Variants in FTO observed in about 807,000 individuals in gnomAD.
FTO encodes FTO alpha-ketoglutarate dependent dioxygenase, also known as alpha-ketoglutarate-dependent dioxygenase FTO.
In FTO, 47 loss-of-function variants were observed where a neutral mutation model predicts 63.9. The observed-to-expected ratio is 0.74, with a 90% CI of 0.58 to 0.94. FTO has a LOEUF of 0.94. Among genes scored for constraint, FTO ranks in the 40% least tolerant of loss-of-function variants. The pLI, the probability that FTO is intolerant of heterozygous loss-of-function variation, is 0.00. For missense variants in FTO, 562 were observed against 618.1 expected (o/e 0.91, Z 0.96); for synonymous variants, 207 against 224.4 (o/e 0.92, Z 0.69).
At chr16:53,924,697 C>A (rs901775591) in intron 7 of FTO, among the ~76,000 whole-genome samples, 2 of 152,070 alleles carry the variant, frequency 1.3e-5, no homozygotes, top group African/African-American at 2.4e-5. Context: ...ATCTCTTAGC[C>A]GAGGTCATCC....
chr16:53,819,813 T>C (rs1439020442), intron 2 of FTO, among the ~76,000 whole-genome samples: 1 of 152,154 alleles, frequency 6.6e-6, no homozygotes, highest in East Asian at 1.9e-4. Context: ...ATCATCACAG[T>C]AGTTTTAGAA....
At chr16:53,933,938 A>T (rs1254374692) in intron 7 of FTO, 47 bp from the exon 8 acceptor site, 3 of 1,588,590 alleles carry the variant, frequency 1.9e-6, no homozygotes. Context: ...TTTTTTTATT[A>T]TTAATTTTTC....
intron 1 of FTO, among the ~76,000 whole-genome samples, chr16:53,769,752 A>G (rs1663644865): frequency 6.6e-6 from 1 of 152,090 alleles, no homozygotes; most frequent in African/African-American, 2.4e-5. Context: ...GCTTAAACAT[A>G]ATAAAATGCA....
At chr16:53,947,368 T>A (rs149718489) in intron 8 of FTO, among the ~76,000 whole-genome samples, 3 of 152,340 alleles carry the variant, frequency 2.0e-5, no homozygotes, top group African/African-American at 7.2e-5. Context: ...AGACCTTTCC[T>A]CTTCTCTGTT....
intron 8 of FTO, among the ~76,000 whole-genome samples, chr16:54,046,123 G>A (rs551671973): frequency 1.0e-5 from 1 of 95,654 alleles, no homozygotes; most frequent in South Asian, 4.1e-4. Flanking sequence ...AATCAAGCAG[G>A]AGAAGGAAAT....
At chr16:53,832,890 G>A (rs994056101) in intron 3 of FTO, among the ~76,000 whole-genome samples, 2 of 152,138 alleles carry the variant, frequency 1.3e-5, no homozygotes, top group Non-Finnish European at 2.9e-5. Context: ...CTTTCTGTCT[G>A]TATTATATTT....
At chr16:54,007,510 C>T (rs2084237375) in intron 8 of FTO, among the ~76,000 whole-genome samples, 1 of 152,070 alleles carries the variant, frequency 6.6e-6, no homozygotes, top group African/African-American at 2.4e-5. Context: ...CTAAGGTGGG[C>T]TTATGAATTA....
At chr16:53,869,050 T>C (rs1350218552) in intron 4 of FTO, among the ~76,000 whole-genome samples, 2 of 152,166 alleles carry the variant, frequency 1.3e-5, no homozygotes, top group African/African-American at 4.8e-5. Flanking sequence ...CAGGCTGGTC[T>C]TGAACTACTG....
At chr16:53,808,690 C>G (rs1000743927) in intron 1 of FTO, among the ~76,000 whole-genome samples, 2 of 152,114 alleles carry the variant, frequency 1.3e-5, no homozygotes, top group African/African-American at 4.8e-5. Flanking sequence ...AGGTTGTGCA[C>G]TTTATAAAGA....
intron 1 of FTO, among the ~76,000 whole-genome samples, chr16:53,790,088 A>G (rs1425668193): frequency 2.0e-5 from 3 of 150,098 alleles, no homozygotes; most frequent in African/African-American, 7.3e-5. Context: ...CGTATATATT[A>G]CTATATGTAT....
At chr16:54,048,984 T>C (rs776645699) in intron 8 of FTO, among the ~76,000 whole-genome samples, 11 of 152,174 alleles carry the variant, frequency 7.2e-5, no homozygotes, top group Non-Finnish European at 1.6e-4. Flanking sequence ...TTAATTAAAG[T>C]GCATGGAGAT....
chr16:53,908,587 T>C lies in FTO; in HGVS notation c.1239+19636T>C, dbSNP rs72807790. ...CCTCTTTGATATTGCCCTGTGCCTG[T>C]CTAGGTTGGCAGTCTTGTGACAAAT... On this transcript the variant is annotated intron_variant, in intron 7 of 8. Transcript: ENST00000471389. Among the ~76,000 whole-genome samples the C allele has an allele frequency of 0.013, 1,931 of 152,316 alleles. 210 individuals carry two copies. The East Asian group carries it at 0.27, about 21-fold the overall frequency.
chr16:53,850,430 C>G (rs1443702069), intron 4 of FTO, among the ~76,000 whole-genome samples: 1 of 151,638 alleles, frequency 6.6e-6, no homozygotes, highest in African/African-American at 2.4e-5. Flanking sequence ...CAAGCTTGTG[C>G]TTTTTTACTT....
chr16:54,030,531 T>G (rs147176600), intron 8 of FTO, among the ~76,000 whole-genome samples: 1 of 152,174 alleles, frequency 6.6e-6, no homozygotes, highest in Admixed American at 6.6e-5. Context: ...TAATTTTCAG[T>G]TGGATATCTA....
intron 8 of FTO, among the ~76,000 whole-genome samples, chr16:54,019,649 T>TA (rs2084541898): frequency 6.6e-6 from 1 of 152,186 alleles, no homozygotes; most frequent in Non-Finnish European, 1.5e-5. Context: ...CTTTGGCATA[T>TA]AGGTTTCCTA....
intron 1 of FTO, among the ~76,000 whole-genome samples, chr16:53,772,819 TA>T: frequency 6.6e-6 from 1 of 152,284 alleles, no homozygotes; most frequent in African/African-American, 2.4e-5. Flanking sequence ...CATGGTCTTT[TA>T]TTGTCATATA....
At chr16:53,747,370 C>T (rs1171588104) in intron 1 of FTO, among the ~76,000 whole-genome samples, 2 of 152,098 alleles carry the variant, frequency 1.3e-5, no homozygotes, top group Non-Finnish European at 2.9e-5. Flanking sequence ...ATCTCTTTGA[C>T]AGTAGTCCTT....
At chr16:54,110,231 G>A (rs1453480601) in intron 8 of FTO, among the ~76,000 whole-genome samples, 1 of 152,154 alleles carries the variant, frequency 6.6e-6, no homozygotes, top group African/African-American at 2.4e-5. Context: ...TAGCTTATCA[G>A]TGCAAACAGT....
intron 2 of FTO, among the ~76,000 whole-genome samples, chr16:53,821,491 G>T (rs1228396656): frequency 2.0e-5 from 3 of 152,160 alleles, no homozygotes; most frequent in African/African-American, 7.2e-5. Context: ...TAAATAGAAA[G>T]TACGATATCA....
Sources: allele counts gnomAD v4.1 joint callset (sites outside exome capture counted in the v4.1 genomes callset), GRCh38; gene constraint gnomAD v4.1.1; transcripts MANE v1.5; gene names NCBI Gene and HGNC (gene_info 2026-07-23, HGNC 2026-07-21).